The following MSRA variants were observed in gnomAD, a reference collection of about 807,000 sequenced individuals.
MSRA encodes methionine sulfoxide reductase A.
In MSRA, 54 loss-of-function variants were observed where a neutral mutation model predicts 31.3. The observed-to-expected ratio is 1.73, with a 90% CI of 1.39 to 2.17. The LOEUF is 2.17. MSRA is among the 30% of genes most tolerant of loss of function. MSRA has a pLI of 0.00. For missense variants in MSRA, 507 were observed against 300.9 expected (o/e 1.69, Z -5.07); for synonymous variants, 169 against 116.5 (o/e 1.45, Z -2.90).
chr8:10,348,408 C>T (rs564031509), intron 5 of MSRA, among the ~76,000 whole-genome samples: 29 of 81,956 alleles, frequency 3.5e-4, no homozygotes, highest in African/African-American at 2.0e-4. Flanking sequence ...CTTGCTCTGT[C>T]GCCCAGGCTG....
intron 2 of MSRA, among the ~76,000 whole-genome samples, chr8:10,225,373 C>T (rs1810903432): frequency 6.6e-6 from 1 of 152,164 alleles, no homozygotes; most frequent in Non-Finnish European, 1.5e-5. Context: ...AATGGATTAC[C>T]CATCTCTGCC....
At chr8:10,393,440 G>T (rs2129180735) in intron 5 of MSRA, among the ~76,000 whole-genome samples, 1 of 152,318 alleles carries the variant, frequency 6.6e-6, no homozygotes, top group East Asian at 1.9e-4. Flanking sequence ...AGGCAATAAG[G>T]ATGCCATCTT....
At chr8:10,181,776 A>C (rs1255525140) in intron 1 of MSRA, among the ~76,000 whole-genome samples, 1 of 152,056 alleles carries the variant, frequency 6.6e-6, no homozygotes, top group Non-Finnish European at 1.5e-5. Context: ...AGCTGGTGGG[A>C]CTTCCTGGGG....
At chr8:10,305,984 C>G (rs566876825) in intron 4 of MSRA, among the ~76,000 whole-genome samples, 1 of 152,220 alleles carries the variant, frequency 6.6e-6, no homozygotes, top group African/African-American at 2.4e-5. Flanking sequence ...TTGAATCCCA[C>G]TGTTTAAGCC....
chr8:10,130,174 G>T lies in MSRA; in HGVS notation c.142+75516G>T, dbSNP rs116828060. Among the ~76,000 whole-genome samples, 327 of 152,320 alleles carry T rather than the reference G, an allele frequency of 2.1e-3. 2 individuals are homozygous for T. Among genetic ancestry groups the T allele is most frequent in the African/African-American group, 7.5e-3 (312 of 41,570 alleles). Reference sequence around the variant, plus strand: ...GCAGTCCCTTATCCTCACCAATAGAGAATTTTTCTGCCCCAAATGCCAGTA... The same window carrying T: ...GCAGTCCCTTATCCTCACCAATAGATAATTTTTCTGCCCCAAATGCCAGTA... On this transcript the variant is annotated intron_variant, in intron 1 of 5. Coordinates refer to ENST00000317173, the MANE Select transcript of MSRA (RefSeq NM_012331.5).
intron 5 of MSRA, among the ~76,000 whole-genome samples, chr8:10,323,808 A>C (rs886508967): frequency 7.2e-6 from 1 of 138,828 alleles, no homozygotes; most frequent in South Asian, 2.3e-4. Flanking sequence ...CTGCATGTCT[A>C]TGTGTCTGTT....
At chr8:10,315,397 A>G (rs1737291611) in intron 4 of MSRA, among the ~76,000 whole-genome samples, 2 of 152,252 alleles carry the variant, frequency 1.3e-5, no homozygotes, top group Admixed American at 6.5e-5. Context: ...TCTCAAGGGT[A>G]CTTGGCTGTA....
At chr8:10,396,129 G>A (rs904435832) in intron 5 of MSRA, among the ~76,000 whole-genome samples, 3 of 152,140 alleles carry the variant, frequency 2.0e-5, no homozygotes, top group African/African-American at 7.2e-5. Context: ...CCTGTGTGGA[G>A]TTGTTTATTC....
At chr8:10,242,061 C>G (rs886246654) in intron 2 of MSRA, among the ~76,000 whole-genome samples, 3 of 152,184 alleles carry the variant, frequency 2.0e-5, no homozygotes, top group Admixed American at 2.0e-4. Flanking sequence ...CACCTGAGGT[C>G]AGGAGTTCGA....
In MSRA at chr8:10,339,531, C is replaced by CTTTTTTTT. The variant is rs774034241; in HGVS notation, c.543+19561_543+19568dup. ...GTTAAGCAAGGGGTTTTCTTTCTTT[C>CTTTTTTTT]TTTTTTTTTTTTTTTTTTTTTTTTT... On this transcript the variant is annotated intron_variant, in intron 5 of 5. Transcript: ENST00000317173. Among the ~76,000 whole-genome samples, 134 of 72,808 alleles carry CTTTTTTTT rather than the reference C, an allele frequency of 1.8e-3. 4 individuals are homozygous for CTTTTTTTT. Among genetic ancestry groups the CTTTTTTTT allele is most frequent in the African/African-American group, 7.2e-3 (115 of 15,890 alleles). 47.8% of individuals were successfully genotyped at this position (72,808 alleles called of 152,430 possible).
chr8:10,293,497 C>G (rs906025588), intron 3 of MSRA, among the ~76,000 whole-genome samples: 1 of 152,246 alleles, frequency 6.6e-6, no homozygotes, highest in Non-Finnish European at 1.5e-5. Flanking sequence ...ACATCTGCAT[C>G]TCTGAGCATC....
chr8:10,067,906 GAC>G (rs1378504374), intron 1 of MSRA, among the ~76,000 whole-genome samples: 1 of 90,934 alleles, frequency 1.1e-5, no homozygotes, highest in Non-Finnish European at 2.0e-5. Context: ...TTTTTTTGGA[GAC>G]AGTCTTACAC....
intron 1 of MSRA, among the ~76,000 whole-genome samples, chr8:10,126,126 T>C (rs1187257228): frequency 6.6e-6 from 1 of 152,202 alleles, no homozygotes; most frequent in Non-Finnish European, 1.5e-5. Flanking sequence ...AAATTCAAGG[T>C]TCTTCTAATT....
chr8:10,100,565 G>A (rs975913907), intron 1 of MSRA, among the ~76,000 whole-genome samples: 2 of 152,152 alleles, frequency 1.3e-5, no homozygotes, highest in Admixed American at 6.5e-5. Context: ...TAGAGAACAT[G>A]GTGAAACAGG....
chr8:10,341,253 C>T (rs1286201179), intron 5 of MSRA, among the ~76,000 whole-genome samples: 1 of 152,160 alleles, frequency 6.6e-6, no homozygotes, highest in Non-Finnish European at 1.5e-5. Context: ...CTGGCATCTG[C>T]TCGGCTCCTA....
At chr8:10,389,694 G>T (rs553392091) in intron 5 of MSRA, among the ~76,000 whole-genome samples, 8 of 149,938 alleles carry the variant, frequency 5.3e-5, no homozygotes, top group Middle Eastern at 3.6e-3. Context: ...CTGCCTTCAT[G>T]GGCCTTCCTC....
intron 5 of MSRA, among the ~76,000 whole-genome samples, chr8:10,423,585 C>T (rs1808945885): frequency 6.6e-6 from 1 of 152,182 alleles, no homozygotes; most frequent in Admixed American, 6.5e-5. Context: ...TCTCCCCCTG[C>T]TCCTGCACCA....
At chr8:10,260,486 G>T (rs933929334) in intron 3 of MSRA, among the ~76,000 whole-genome samples, 2 of 152,210 alleles carry the variant, frequency 1.3e-5, no homozygotes, top group South Asian at 4.1e-4. Context: ...GCAGCACGCA[G>T]AGTTGACAGG....
chr8:10,288,110 A>G (rs868114381), intron 3 of MSRA, among the ~76,000 whole-genome samples: 2 of 152,212 alleles, frequency 1.3e-5, no homozygotes, highest in Non-Finnish European at 2.9e-5. Flanking sequence ...GGCTGGAATT[A>G]TAGTTGGTTT....
Sources: gnomAD v4.1 joint callset for allele counts (sites outside exome capture counted in the v4.1 genomes callset) on GRCh38, gnomAD v4.1.1 for gene constraint, MANE v1.5 for transcripts, NCBI Gene and HGNC (gene_info 2026-07-23, HGNC 2026-07-21) for gene names.